Variants in SMDT1 observed in about 807,000 individuals in gnomAD.
SMDT1 encodes essential MCU regulator, mitochondrial.
In SMDT1, 6 loss-of-function variants were observed where a neutral mutation model predicts 5.9. That is an observed-to-expected ratio of 1.03 (90% CI 0.56 to 2.02). The LOEUF (loss-of-function observed/expected upper bound fraction) is 2.02. SMDT1 is among the 30% of genes most tolerant of loss of function. The pLI is 0.00. For synonymous variants in SMDT1, 81 were observed against 62.4 expected (o/e 1.30, Z -1.40); for missense variants, 159 against 145.6 (o/e 1.09, Z -0.47).
chr22:42,079,985 G>A, intron 1 of SMDT1, 31 bp downstream of exon 1: 1 of 1,586,878 alleles, frequency 6.3e-7, no homozygotes, highest in Non-Finnish European at 8.6e-7. Context: ...GGGGCGAAGG[G>A]GCTGAGGCCA....
chr22:42,079,944 A>G lies in SMDT1; in HGVS notation c.176A>G (p.Lys59Arg), dbSNP rs191601506. The G allele has an allele frequency of 6.2e-7, 1 of 1,611,870 alleles. No homozygotes were observed. Among genetic ancestry groups the G allele is most frequent in the African/African-American group, 1.3e-5 (1 of 74,972 alleles). Residue 59 changes from lysine (K) to arginine (R), a missense_variant, in exon 1 of 3, where the codon AAA becomes AGA. Transcript: ENST00000331479. ...ACCCGCAGCGGCGCCATTTTGCCCAAACCGGTGAAAGTGAGTGTCCTCCTG... is the reference window on the plus strand; with the variant it reads ...ACCCGCAGCGGCGCCATTTTGCCCAGACCGGTGAAAGTGAGTGTCCTCCTG... ...IVTRSGAILP[K>R]PVKMSFGLLR...
chr22:42,081,530 G>A (rs1927784036), intron 1 of SMDT1, among the ~76,000 whole-genome samples: 1 of 151,016 alleles, frequency 6.6e-6, no homozygotes, highest in Non-Finnish European at 1.5e-5. Flanking sequence ...GTGCAATCTT[G>A]GCTCACTGCA....
At chr22:42,080,051 A>G in intron 1 of SMDT1, 97 bp downstream of exon 1, 1 of 1,320,678 alleles carries the variant, frequency 7.6e-7, no homozygotes, top group Non-Finnish European at 1.0e-6. Context: ...AAGGCCAATC[A>G]TAACGATTAC....
intron 2 of SMDT1, 124 bp downstream of exon 2, chr22:42,082,189 G>C: frequency 8.0e-7 from 1 of 1,242,542 alleles, no homozygotes; most frequent in Non-Finnish European, 1.1e-6. Context: ...GGCCCACTTG[G>C]TGGCTAATGT....
chr22:42,082,213 T>C lies in SMDT1; in HGVS notation c.*3+148T>C, dbSNP rs1461993140. On this transcript the variant is annotated intron_variant, in intron 2 of 2. Coordinates refer to ENST00000331479, the MANE Select transcript of SMDT1 (RefSeq NM_033318.5). ...GGTGGCTAATGTTTTCGTTTGTTTGTTTTTTGAGACGGAGTTTCGCTCTTG... is the reference window on the plus strand; with the variant it reads ...GGTGGCTAATGTTTTCGTTTGTTTGCTTTTTGAGACGGAGTTTCGCTCTTG... 3.8e-6 allele frequency: 4 copies of C among 1,039,884 alleles called. No individual in the cohort carries two copies. The African/African-American group carries it at 4.8e-5, about 12-fold the overall frequency. The allele number at this position is 1,039,884 out of a possible 1,614,324, so 64.4% of individuals were successfully genotyped here.
At chr22:42,082,831 C>T (rs777591254) in intron 2 of SMDT1, among the ~76,000 whole-genome samples, 15 of 152,184 alleles carry the variant, frequency 9.9e-5, no homozygotes, top group Non-Finnish European at 1.8e-4. Flanking sequence ...TTCCTCTAAG[C>T]AACCAGTACC....
rs376151257 is a variant in SMDT1, at chr22:42,079,889, A to G, written c.121A>G (p.Ser41Gly). ...CGCCGCATGGAGCGGCTCAGGCCGG[A>G]GCCTGGTACCGTCGAGGTCAGTCAT... Reference protein sequence around the residue: ...VSAAWSGSGRSLVPSRSVIVT... With the variant: ...VSAAWSGSGRGLVPSRSVIVT... Residue 41 changes from serine (S) to glycine (G), a missense_variant, in exon 1 of 3, where the codon AGC becomes GGC. Physicochemically the swap from Ser to Gly is moderately conservative, Grantham distance 56 (BLOSUM62 0). Transcript: ENST00000331479. 10 of 1,614,026 alleles carry G rather than the reference A, an allele frequency of 6.2e-6. No individual in the cohort carries two copies. Among genetic ancestry groups the G allele is most frequent in the African/African-American group, 2.7e-5 (2 of 74,930 alleles).
chr22:42,081,032 T>C (rs1383691835), intron 1 of SMDT1, among the ~76,000 whole-genome samples: 1 of 152,240 alleles, frequency 6.6e-6, no homozygotes, highest in East Asian at 1.9e-4. Context: ...CTCCTAGTAC[T>C]GGTGCACCCG....
chr22:42,082,597 G>T (rs559556278), intron 2 of SMDT1, among the ~76,000 whole-genome samples: 88 of 152,224 alleles, frequency 5.8e-4, no homozygotes, highest in African/African-American at 1.7e-3. Flanking sequence ...CCATAATCTG[G>T]TCACACCTCT....
intron 1 of SMDT1, among the ~76,000 whole-genome samples, chr22:42,080,460 G>C (rs1005178425): frequency 6.6e-6 from 1 of 152,204 alleles, no homozygotes; most frequent in Non-Finnish European, 1.5e-5. Context: ...AATCGGGCTA[G>C]AGCGGTGAAG....
At chr22:42,081,398 C>T (rs1397516768) in intron 1 of SMDT1, among the ~76,000 whole-genome samples, 3 of 152,028 alleles carry the variant, frequency 2.0e-5, no homozygotes, top group Admixed American at 2.0e-4. Flanking sequence ...AACTTCTGAC[C>T]TCGTGATCCG....
At chr22:42,081,357 G>A (rs934306287) in intron 1 of SMDT1, among the ~76,000 whole-genome samples, 1 of 152,084 alleles carries the variant, frequency 6.6e-6, no homozygotes, top group African/African-American at 2.4e-5. Context: ...AGTAGAGACG[G>A]GGTTTCACTA....
rs1291562147 is a variant in SMDT1, at chr22:42,079,745, C to G, written c.-24C>G. ...GGCTGGGCGGTGGGGTGCGGGTGCC[C>G]GGGTGAGGGGCGGAGCTGGGGGCAT... On this transcript the variant is annotated 5_prime_UTR_variant, in exon 1 of 3. Transcript: ENST00000331479. 1.3e-6 allele frequency: 2 copies of G among 1,590,036 alleles called. No homozygotes were observed. Among genetic ancestry groups the G allele is most frequent in the Non-Finnish European group, 1.7e-6 (2 of 1,171,800 alleles).
At position 42,079,903 on chromosome 22, in the gene SMDT1, G is replaced by A; in HGVS notation, c.135G>A (p.Ser45=). ...WSGSGRSLVP[S]RSVIVTRSGA... ...GCTCAGGCCGGAGCCTGGTACCGTC[G>A]AGGTCAGTCATCGTTACCCGCAGCG... Residue 45 remains serine (S), a synonymous_variant, in exon 1 of 3, where the codon TCG becomes TCA. Coordinates refer to ENST00000331479, the MANE Select transcript of SMDT1 (RefSeq NM_033318.5). 2 of 1,614,024 alleles carry A rather than the reference G, an allele frequency of 1.2e-6. No homozygotes were observed. Among genetic ancestry groups the A allele is most frequent in the Non-Finnish European group, 1.7e-6 (2 of 1,179,944 alleles).
Position 42,079,816 on chromosome 22 carries a change from C to A in SMDT1, c.48C>A (p.Ser16=). 6.2e-7 allele frequency: 1 copy of A among 1,612,744 alleles called. No homozygotes were observed. The change falls in exon 1 of 3, where the codon TCC becomes TCA. Residue 16 remains serine (S), a synonymous_variant. Transcript: ENST00000331479. ...ARWLVLAPVR[S]GALRSGPSLR... Reference sequence around the variant, plus strand: ...GGCTAGTATTGGCACCCGTCAGGTCCGGGGCTCTCCGGAGCGGGCCTAGCT... The same window carrying A: ...GGCTAGTATTGGCACCCGTCAGGTCAGGGGCTCTCCGGAGCGGGCCTAGCT...
intron 1 of SMDT1, among the ~76,000 whole-genome samples, chr22:42,081,553 T>C (rs1602511175): frequency 1.3e-5 from 2 of 151,914 alleles, no homozygotes; most frequent in Admixed American, 6.6e-5. Context: ...TTCTGCCTCC[T>C]GGATTCAAGC....
rs755913862 is a variant in SMDT1 at position 42,081,981 on chromosome 22, G to T, written c.243G>T (p.Gly81=). The part of the protein sequence containing the change: ...FSIVIPFLYV[G]TLISKNFAAL... Reference sequence around the variant, plus strand: ...TTGTGATCCCCTTTCTCTATGTCGGGACACTCATTAGCAAGAACTTTGCTG... The same window carrying T: ...TTGTGATCCCCTTTCTCTATGTCGGTACACTCATTAGCAAGAACTTTGCTG... Residue 81 remains glycine (G), a synonymous_variant, in exon 2 of 3, where the codon GGG becomes GGT. Coordinates refer to ENST00000331479, the MANE Select transcript of SMDT1 (RefSeq NM_033318.5). 5.5e-5 allele frequency: 88 copies of T among 1,613,996 alleles called. No homozygotes were observed. Among genetic ancestry groups the T allele is most frequent in the Non-Finnish European group, 7.4e-5 (87 of 1,180,026 alleles).
chr22:42,080,341 GGGACGGGCCTC>G (rs1343583193), intron 1 of SMDT1, among the ~76,000 whole-genome samples: 1 of 152,182 alleles, frequency 6.6e-6, no homozygotes, highest in African/African-American at 2.4e-5. Context: ...AAGGGTACGT[GGGACGGGCCTC>G]ATCTTTTTAT....
At chr22:42,082,464 G>A (rs890745068) in intron 2 of SMDT1, among the ~76,000 whole-genome samples, 1 of 152,230 alleles carries the variant, frequency 6.6e-6, no homozygotes, top group Non-Finnish European at 1.5e-5. Flanking sequence ...GCCTCCCAAA[G>A]TGCTGTGATT....
Sources: allele counts gnomAD v4.1 joint callset (sites outside exome capture counted in the v4.1 genomes callset), GRCh38; gene constraint gnomAD v4.1.1; transcripts MANE v1.5; gene names NCBI Gene and HGNC (gene_info 2026-07-23, HGNC 2026-07-21).